Variants in PTCHD4 observed in about 807,000 individuals in gnomAD.
PTCHD4 encodes the protein patched domain-containing protein 4.
A neutral mutation model predicts 58.1 loss-of-function variants in PTCHD4; 33 were observed. That is an observed-to-expected ratio of 0.57 (90% CI 0.43 to 0.76). PTCHD4 has a LOEUF of 0.76. PTCHD4 is among the 30% of genes least tolerant of loss of function. PTCHD4 has a pLI of 0.00. For missense variants in PTCHD4, 1,058 were observed against 1,027.1 expected (o/e 1.03, Z -0.41); for synonymous variants, 478 against 409.6 (o/e 1.17, Z -2.02).
chr6:47,890,085 AC>A (rs35385581), intron 4 of PTCHD4, among the ~76,000 whole-genome samples: 70,944 of 151,696 alleles, frequency 0.47, 18,072 homozygotes, highest in East Asian at 0.75. Context: ...ACAGATATAC[AC>A]CCATATCACA....
At chr6:48,072,801 C>T (rs573315799) in intron 1 of PTCHD4, among the ~76,000 whole-genome samples, 3 of 152,040 alleles carry the variant, frequency 2.0e-5, no homozygotes, top group South Asian at 4.2e-4. Flanking sequence ...TATTGTAGCC[C>T]CTTTCCCTTG....
chr6:47,905,888 A>T (rs1334522894), intron 4 of PTCHD4, among the ~76,000 whole-genome samples: 4 of 152,184 alleles, frequency 2.6e-5, no homozygotes, highest in Non-Finnish European at 5.9e-5. Flanking sequence ...TCCTGAGGCC[A>T]TGATCAGACA....
At chr6:47,887,905 C>A (rs955331298) in intron 4 of PTCHD4, among the ~76,000 whole-genome samples, 1 of 152,200 alleles carries the variant, frequency 6.6e-6, no homozygotes, top group Non-Finnish European at 1.5e-5. Context: ...AACAGGAATT[C>A]TCTAAGCTGC....
intron 4 of PTCHD4, among the ~76,000 whole-genome samples, chr6:47,956,162 G>A (rs1208876400): frequency 1.3e-5 from 2 of 152,198 alleles, no homozygotes; most frequent in African/African-American, 4.8e-5. Flanking sequence ...TGAGTGGAGA[G>A]TAAGCTTACC....
intron 4 of PTCHD4, among the ~76,000 whole-genome samples, chr6:47,891,658 T>A (rs1764384896): frequency 6.6e-6 from 1 of 152,148 alleles, no homozygotes; most frequent in East Asian, 1.9e-4. Context: ...ACAACCATGC[T>A]CCCTTGAATT....
At position 47,935,206 on chromosome 6, in the gene PTCHD4, C is replaced by T. The variant is rs561814254; in HGVS notation, c.899-55270G>A. On this transcript the variant is annotated intron_variant, in intron 4 of 4. Coordinates refer to ENST00000339488, the MANE Select transcript of PTCHD4 (RefSeq NM_001384253.1). Reference sequence around the variant, plus strand: ...TGCACACAACCTTATACACTATATCCGATTTTGTTCTTGGGTTAAATTAAT... The same window carrying T: ...TGCACACAACCTTATACACTATATCTGATTTTGTTCTTGGGTTAAATTAAT... Among the ~76,000 whole-genome samples the T allele has an allele frequency of 3.3e-5, 5 of 152,192 alleles. No individual in the cohort carries two copies. In the South Asian group the frequency reaches 6.2e-4, roughly 19 times the overall value.
intron 3 of PTCHD4, among the ~76,000 whole-genome samples, chr6:48,029,252 C>A (rs1159893381): frequency 6.6e-6 from 1 of 152,010 alleles, no homozygotes; most frequent in Non-Finnish European, 1.5e-5. Context: ...TCTCTGAAAG[C>A]ATTTGTAATC....
intron 4 of PTCHD4, among the ~76,000 whole-genome samples, chr6:48,002,956 T>C (rs1023391343): frequency 1.3e-5 from 2 of 152,084 alleles, no homozygotes; most frequent in African/African-American, 4.8e-5. Flanking sequence ...TCTTAGCCGC[T>C]TTTGGAACAA....
At chr6:48,094,181 A>G (rs1765418181) in intron 1 of PTCHD4, among the ~76,000 whole-genome samples, 1 of 152,226 alleles carries the variant, frequency 6.6e-6, no homozygotes, top group African/African-American at 2.4e-5. Flanking sequence ...AATGTATTCT[A>G]CCAGTAGCAT....
chr6:48,036,329 C>T (rs1326219479), intron 3 of PTCHD4, among the ~76,000 whole-genome samples: 2 of 152,074 alleles, frequency 1.3e-5, no homozygotes, highest in Non-Finnish European at 2.9e-5. Context: ...CAGAAAATTA[C>T]AGTAGTGCCC....
intron 4 of PTCHD4, among the ~76,000 whole-genome samples, chr6:47,914,905 A>C (rs1270239047): frequency 6.6e-6 from 1 of 152,054 alleles, no homozygotes; most frequent in Non-Finnish European, 1.5e-5. Flanking sequence ...AATCAGTCAA[A>C]AGGGAGCATG....
chr6:47,906,886 C>T (rs1375790709), intron 4 of PTCHD4, among the ~76,000 whole-genome samples: 4 of 152,112 alleles, frequency 2.6e-5, no homozygotes, highest in Non-Finnish European at 4.4e-5. Context: ...TTTGAATTTA[C>T]TGTATTAGTA....
At chr6:47,896,483 C>T (rs146790420) in intron 4 of PTCHD4, among the ~76,000 whole-genome samples, 1 of 152,276 alleles carries the variant, frequency 6.6e-6, no homozygotes, top group East Asian at 1.9e-4. Flanking sequence ...GAGTTGCCTG[C>T]CGCTTCAATG....
chr6:47,888,667 A>G (rs1347625889), intron 4 of PTCHD4, among the ~76,000 whole-genome samples: 1 of 151,946 alleles, frequency 6.6e-6, no homozygotes, highest in Non-Finnish European at 1.5e-5. Flanking sequence ...TTGTTTTATT[A>G]TTATTATACT....
chr6:47,956,560 A>G (rs888401242), intron 4 of PTCHD4, among the ~76,000 whole-genome samples: 5 of 151,932 alleles, frequency 3.3e-5, no homozygotes, highest in Non-Finnish European at 5.9e-5. Flanking sequence ...CAGCCTCCCA[A>G]GTAGCTGGGA....
chr6:47,979,563 T>C (rs1384143581), intron 4 of PTCHD4, among the ~76,000 whole-genome samples: 1 of 152,056 alleles, frequency 6.6e-6, no homozygotes, highest in Non-Finnish European at 1.5e-5. Flanking sequence ...AAATTATTTA[T>C]AATAACATGT....
At chr6:48,104,364 G>A (rs1052636660) in intron 1 of PTCHD4, among the ~76,000 whole-genome samples, 1 of 152,172 alleles carries the variant, frequency 6.6e-6, no homozygotes, top group Non-Finnish European at 1.5e-5. Flanking sequence ...CTTCATAAGT[G>A]AAGGAGAAAT....
chr6:47,953,537 ATAT>A (rs1561975314), intron 4 of PTCHD4, among the ~76,000 whole-genome samples: 1 of 152,178 alleles, frequency 6.6e-6, no homozygotes, highest in Non-Finnish European at 1.5e-5. Flanking sequence ...ACATAAGATG[ATAT>A]TATATTGATT....
At position 47,957,585 on chromosome 6, in the gene PTCHD4, AT is replaced by A. The variant is rs1256287300; in HGVS notation, c.898+51048del. ...AAATACAAGACAAGTTTTTTTTTTT[AT>A]TTTTTTTATTTTTATTTTTATTTTT... On this transcript the variant is annotated intron_variant, in intron 4 of 4. Transcript: ENST00000339488. Among the ~76,000 whole-genome samples the A allele has an allele frequency of 4.6e-3, 642 of 139,388 alleles. 8 individuals carry two copies. The highest frequency in any genetic ancestry group is 0.016 in the African/African-American group (593 of 37,754). 91.4% of individuals were successfully genotyped at this position (139,388 alleles called of 152,430 possible).
Sources: gnomAD v4.1 joint callset for allele counts (sites outside exome capture counted in the v4.1 genomes callset) on GRCh38, gnomAD v4.1.1 for gene constraint, MANE v1.5 for transcripts, NCBI Gene and HGNC (gene_info 2026-07-23, HGNC 2026-07-21) for gene names.